IST1: variants seen among roughly 807,000 people sequenced by gnomAD.
IST1 encodes the protein IST1 homolog.
IST1 carries 23 observed loss-of-function variants against 37.0 expected under a neutral mutation model. That is an observed-to-expected ratio of 0.62 (90% CI 0.45 to 0.88). IST1 has a LOEUF of 0.88. Among genes scored for constraint, IST1 ranks in the 40% least tolerant of loss-of-function variants. The pLI, the probability that IST1 is intolerant of heterozygous loss-of-function variation, is 0.00. For missense variants in IST1, 488 were observed against 445.4 expected, an observed-to-expected ratio of 1.10 and a Z score of -0.86; for synonymous variants, 180 against 161.7, an observed-to-expected ratio of 1.11 and a Z score of -0.86.
At chr16:71,920,394 A>C (rs2037552834) in intron 4 of IST1, among the ~76,000 whole-genome samples, 1 of 151,990 alleles carries the variant, frequency 6.6e-6, no homozygotes, top group Non-Finnish European at 1.5e-5. Flanking sequence ...CTTATTTCTA[A>C]CACTTATGAT....
intron 1 of IST1, among the ~76,000 whole-genome samples, chr16:71,904,304 G>A (rs749680325): frequency 2.0e-5 from 3 of 152,070 alleles, no homozygotes; most frequent in Non-Finnish European, 2.9e-5. Context: ...TTTATTTTTA[G>A]TAGAGATGGG....
intron 1 of IST1, among the ~76,000 whole-genome samples, chr16:71,897,163 C>T (rs2036991635): frequency 6.9e-6 from 1 of 145,812 alleles, no homozygotes; most frequent in South Asian, 2.2e-4. Flanking sequence ...ACTACAGGCC[C>T]ACGCCTGGCT....
chr16:71,923,222 A>G (rs2037651430), intron 7 of IST1, 66 bp from the exon 8 acceptor site: 4 of 846,176 alleles, frequency 4.7e-6, no homozygotes, highest in Non-Finnish European at 7.9e-6. Context: ...CTCCCTTCCC[A>G]TACCCAAACC....
chr16:71,894,877 T>A, upstream of IST1: 1 of 1,499,320 alleles, frequency 6.7e-7, no homozygotes, highest in African/African-American at 1.4e-5. Flanking sequence ...GGAAAAAGTT[T>A]TCTCTGAATA....
At position 71,928,967 on chromosome 16, in the gene IST1, TGTAGCTCA is replaced by T. The variant is rs142217247; in HGVS notation, c.*1161_*1168del. On this transcript the variant is annotated 3_prime_UTR_variant, in exon 10 of 10. Transcript: ENST00000378799. ...TAATGTTTTCAGTTGGTTTGTATTC[TGTAGCTCA>T]GTAGCTGCTAATAAAGTTAAAGATC... The T allele has an allele frequency of 0.04, 6,077 of 152,780 alleles. 393 individuals are homozygous for T. The highest frequency in any genetic ancestry group is 0.14 in the African/African-American group (5,752 of 41,546). The allele number at this position is 152,780 out of a possible 1,614,324, so 9.5% of individuals were successfully genotyped here.
chr16:71,918,755 G>C (rs1487801246), intron 4 of IST1, among the ~76,000 whole-genome samples: 1 of 152,100 alleles, frequency 6.6e-6, no homozygotes, highest in Non-Finnish European at 1.5e-5. Flanking sequence ...ATTAATTTTG[G>C]AAAAGGCTTA....
At chr16:71,904,098 C>T (rs192630297) in intron 1 of IST1, among the ~76,000 whole-genome samples, 1 of 152,166 alleles carries the variant, frequency 6.6e-6, no homozygotes, top group Non-Finnish European at 1.5e-5. Context: ...TTTAATGTAA[C>T]CCCTCCAACG....
At chr16:71,911,313 C>T (rs565276331) in intron 1 of IST1, among the ~76,000 whole-genome samples, 6 of 151,690 alleles carry the variant, frequency 4.0e-5, no homozygotes, top group African/African-American at 1.5e-4. Context: ...TATCTGAGTG[C>T]TTGCTTTGTG....
chr16:71,927,949 C>A lies in IST1; in HGVS notation c.*136C>A. On this transcript the variant is annotated 3_prime_UTR_variant, in exon 10 of 10. Coordinates refer to ENST00000378799, the MANE Select transcript of IST1 (RefSeq NM_001270975.2). The stretch of plus-strand genomic sequence containing the variant: ...ACAACACTCCCTCTGGGCTCTCTTC[C>A]TGCTCCTCCAGATTCTGCTGCTTTC... 1 of 659,852 alleles carries A rather than the reference C, an allele frequency of 1.5e-6. No individual in the cohort carries two copies. Among genetic ancestry groups the A allele is most frequent in the Non-Finnish European group, 2.7e-6 (1 of 376,176 alleles). 40.9% of individuals were successfully genotyped at this position (659,852 alleles called of 1,614,324 possible). A position where few individuals can be genotyped will look rare whatever the true frequency, so the allele number is the denominator to read the frequency against.
intron 3 of IST1, 35 bp downstream of exon 3, chr16:71,916,677 C>T (rs755506937): frequency 4.5e-6 from 7 of 1,565,562 alleles, no homozygotes; most frequent in Non-Finnish European, 6.1e-6. Context: ...TAAATCATTT[C>T]TGGAATTTGA....
intron 6 of IST1, among the ~76,000 whole-genome samples, chr16:71,922,224 C>T (rs1447627367): frequency 1.3e-5 from 2 of 152,180 alleles, no homozygotes; most frequent in Non-Finnish European, 2.9e-5. Flanking sequence ...CTATTACCCA[C>T]AGTTGGAAAC....
At chr16:71,927,061 G>A (rs2037760950) in intron 9 of IST1, among the ~76,000 whole-genome samples, 1 of 152,118 alleles carries the variant, frequency 6.6e-6, no homozygotes, top group African/African-American at 2.4e-5. Flanking sequence ...AGGAACAGTC[G>A]ATTGCTCTGT....
upstream of IST1, chr16:71,894,636 C>T: frequency 1.9e-6 from 1 of 524,328 alleles, no homozygotes; most frequent in Non-Finnish European, 3.4e-6. Context: ...AGCGATCTTC[C>T]TGCCTCAGCC....
chr16:71,929,654 G>C lies in IST1; in HGVS notation c.*1841G>C. 1.9e-6 allele frequency: 3 copies of C among 1,551,524 alleles called. No homozygotes were observed. The highest frequency in any genetic ancestry group is 1.4e-5 in the African/African-American group (1 of 73,136). ...AACAAATTTGAGAGCTTCTGTAGCAGTGTATCTATTAGTGCAGCTTCTTTC... is the reference window on the plus strand; with the variant it reads ...AACAAATTTGAGAGCTTCTGTAGCACTGTATCTATTAGTGCAGCTTCTTTC... On this transcript the variant is annotated 3_prime_UTR_variant, in exon 10 of 10. Transcript: ENST00000378799.
intron 1 of IST1, among the ~76,000 whole-genome samples, chr16:71,899,571 G>C (rs1309485579): frequency 2.0e-5 from 3 of 151,816 alleles, no homozygotes; most frequent in Admixed American, 2.0e-4. Context: ...TCTTTTATAA[G>C]AACAACAACA....
chr16:71,909,429 C>T (rs1316640701), intron 1 of IST1, among the ~76,000 whole-genome samples: 1 of 152,140 alleles, frequency 6.6e-6, no homozygotes, highest in Admixed American at 6.5e-5. Flanking sequence ...GAAATGAACA[C>T]TTAGCATTCT....
chr16:71,894,790 C>T (rs71386939), upstream of IST1: 368,834 of 1,486,222 alleles, frequency 0.25, 49,340 homozygotes, highest in Middle Eastern at 0.29. Context: ...CCCGCCCCGC[C>T]TCTCAAAGTG....
intron 1 of IST1, among the ~76,000 whole-genome samples, chr16:71,907,534 C>T (rs1373403917): frequency 6.6e-6 from 1 of 152,156 alleles, no homozygotes; most frequent in Non-Finnish European, 1.5e-5. Context: ...GCCTCGGCTT[C>T]CCAAAGTGCT....
intron 1 of IST1, among the ~76,000 whole-genome samples, chr16:71,901,231 T>G (rs914544641): frequency 1.3e-5 from 2 of 152,190 alleles, no homozygotes; most frequent in Non-Finnish European, 2.9e-5. Flanking sequence ...TCTTTTTTTT[T>G]GAGACGGAAT....
Sources: gnomAD v4.1 joint callset for allele counts (sites outside exome capture counted in the v4.1 genomes callset) on GRCh38, gnomAD v4.1.1 for gene constraint, MANE v1.5 for transcripts, NCBI Gene and HGNC (gene_info 2026-07-23, HGNC 2026-07-21) for gene names.